CSMD3: variants seen among roughly 807,000 people sequenced by gnomAD.
CSMD3 encodes the protein CUB and Sushi multiple domains 3.
CSMD3 carries 177 observed loss-of-function variants against 435.2 expected under a neutral mutation model. That is an observed-to-expected ratio of 0.41 (90% CI 0.36 to 0.46). CSMD3 has a LOEUF of 0.46. CSMD3 is among the 20% of genes least tolerant of loss of function. CSMD3 has a pLI of 0.34. For missense variants in CSMD3, 4,265 were observed against 4,504.6 expected, an observed-to-expected ratio of 0.95 and a Z score of 1.52; for synonymous variants, 1,656 against 1,520.5, an observed-to-expected ratio of 1.09 and a Z score of -2.07.
intron 32 of CSMD3, among the ~76,000 whole-genome samples, chr8:112,442,651 C>T (rs1815157479): frequency 6.6e-6 from 1 of 152,172 alleles, no homozygotes; most frequent in Non-Finnish European, 1.5e-5. Flanking sequence ...AAATGATCAT[C>T]CAGCTCGAGA....
chr8:113,000,008 T>A (rs1174067899), intron 6 of CSMD3, among the ~76,000 whole-genome samples: 1 of 151,988 alleles, frequency 6.6e-6, no homozygotes, highest in Admixed American at 6.6e-5. Context: ...GGAGATATGA[T>A]GTTGGGAGTC....
In CSMD3 at chr8:113,086,400, T is replaced by A. The variant is rs1564297387; in HGVS notation, c.917+12356A>T. Among the ~76,000 whole-genome samples, 3 of 152,316 alleles carry A rather than the reference T, an allele frequency of 2.0e-5. No individual in the cohort carries two copies. In the South Asian group the frequency reaches 6.2e-4, roughly 32 times the overall value. On this transcript the variant is annotated intron_variant, in intron 5 of 70. Coordinates refer to ENST00000297405, the MANE Select transcript of CSMD3 (RefSeq NM_198123.2). Reference sequence around the variant, plus strand: ...TGTAATTTATCATTCCAATAGGTTATAAATTGAACCTGTAGAAGTAGGAAG... The same window carrying A: ...TGTAATTTATCATTCCAATAGGTTAAAAATTGAACCTGTAGAAGTAGGAAG...
At chr8:113,095,396 A>G (rs979890202) in intron 5 of CSMD3, among the ~76,000 whole-genome samples, 2 of 152,148 alleles carry the variant, frequency 1.3e-5, no homozygotes, top group African/African-American at 4.8e-5. Context: ...ATTGCCTATA[A>G]TATCTCTTCT....
At chr8:112,742,634 G>A (rs930916253) in intron 13 of CSMD3, among the ~76,000 whole-genome samples, 1 of 151,806 alleles carries the variant, frequency 6.6e-6, no homozygotes, top group African/African-American at 2.4e-5. Flanking sequence ...ACAGTTGTGT[G>A]ATTTTGCTCT....
At chr8:113,171,561 C>A (rs79022243) in intron 4 of CSMD3, among the ~76,000 whole-genome samples, 10,035 of 151,746 alleles carry the variant, frequency 0.066, 453 homozygotes, top group Non-Finnish European at 0.095. Flanking sequence ...TTAAAGACTG[C>A]ATTTCTGCTG....
At chr8:113,128,202 T>G (rs190944362) in intron 4 of CSMD3, among the ~76,000 whole-genome samples, 1 of 152,212 alleles carries the variant, frequency 6.6e-6, no homozygotes, top group East Asian at 1.9e-4. Flanking sequence ...GATTGAGTAC[T>G]TTGGTAAATT....
chr8:112,573,797 T>C (rs959066856), intron 23 of CSMD3, 140 bp from the exon 24 acceptor site: 1 of 663,482 alleles, frequency 1.5e-6, no homozygotes, highest in South Asian at 1.9e-5. Context: ...CTAAATATAT[T>C]GGTTTCTATG....
intron 30 of CSMD3, among the ~76,000 whole-genome samples, chr8:112,500,915 T>C (rs1270443452): frequency 6.7e-6 from 1 of 150,312 alleles, no homozygotes; most frequent in Non-Finnish European, 1.5e-5. Context: ...AAGATTAGGG[T>C]GGGGTGACCA....
chr8:113,410,900 T>TGAAAGAAGGAAAGAAA (rs1306552752), intron 1 of CSMD3, among the ~76,000 whole-genome samples: 1 of 105,396 alleles, frequency 9.5e-6, no homozygotes, highest in African/African-American at 4.1e-5. Flanking sequence ...CAAAACCCTG[T>TGAAAGAAGGAAAGAAA]GAAAGAAAGA....
intron 2 of CSMD3, chr8:113,311,474 T>A (rs1180215743): frequency 6.6e-6 from 1 of 151,998 alleles, no homozygotes; most frequent in Non-Finnish European, 1.5e-5. Context: ...TTTTAAAAAA[T>A]CTATTGGAGC....
intron 45 of CSMD3, among the ~76,000 whole-genome samples, chr8:112,322,587 T>C (rs564951604): frequency 6.6e-6 from 1 of 152,220 alleles, no homozygotes; most frequent in South Asian, 2.1e-4. Context: ...ATAAACATTC[T>C]ACATTCTTAC....
chr8:112,972,414 G>T (rs1218478877), intron 7 of CSMD3, among the ~76,000 whole-genome samples: 1 of 151,624 alleles, frequency 6.6e-6, no homozygotes, highest in Non-Finnish European at 1.5e-5. Context: ...TGACTTTATA[G>T]TTTGCTAATG....
intron 6 of CSMD3, among the ~76,000 whole-genome samples, chr8:113,017,496 T>C (rs1007218505): frequency 6.6e-6 from 1 of 152,022 alleles, no homozygotes; most frequent in Non-Finnish European, 1.5e-5. Flanking sequence ...CTACTTTATT[T>C]CTGTTTAGAA....
chr8:112,238,159 T>C (rs1196356105), intron 66 of CSMD3, among the ~76,000 whole-genome samples: 1 of 152,050 alleles, frequency 6.6e-6, no homozygotes, highest in Admixed American at 6.6e-5. Flanking sequence ...AGCTGAGGTA[T>C]AGGATTAATC....
intron 5 of CSMD3, among the ~76,000 whole-genome samples, chr8:113,040,227 A>G (rs2087548509): frequency 6.6e-6 from 1 of 152,196 alleles, no homozygotes; most frequent in Non-Finnish European, 1.5e-5. Context: ...CTGTAACTCG[A>G]GTGGAGTGTC....
intron 22 of CSMD3, among the ~76,000 whole-genome samples, chr8:112,621,771 C>T (rs1834089560): frequency 6.6e-6 from 1 of 152,174 alleles, no homozygotes; most frequent in Admixed American, 6.6e-5. Flanking sequence ...CAGGGCTTGG[C>T]TTCTTCTCAG....
At chr8:112,310,416 C>A (rs1586732487) in intron 50 of CSMD3, 1 of 154,008 alleles carries the variant, frequency 6.5e-6, no homozygotes, top group African/African-American at 2.4e-5. Context: ...ATTCTTTTTG[C>A]AGCATGATAT....
intron 5 of CSMD3, among the ~76,000 whole-genome samples, chr8:113,069,869 A>T (rs2131398511): frequency 6.6e-6 from 1 of 152,190 alleles, no homozygotes; most frequent in African/African-American, 2.4e-5. Context: ...ATGTTCTGTA[A>T]CTGCACAGAC....
Position 112,314,479 on chromosome 8 carries a change from A to G in CSMD3, c.7499T>C (p.Val2500Ala). ...TTCCTTTTCTGTCTGGAAGAATTCT[A>G]CAAACATGGTGATATTATAACCCTT... ...VEKGYNITMFVEFFQTEKEFD... is the reference protein window; with the variant it reads ...VEKGYNITMFAEFFQTEKEFD... Residue 2500 changes from valine (V) to alanine (A), a missense_variant, in exon 48 of 71, where the codon GTA becomes GCA. Coordinates refer to ENST00000297405, the MANE Select transcript of CSMD3 (RefSeq NM_198123.2). 1.2e-6 allele frequency: 2 copies of G among 1,612,708 alleles called. No homozygotes were observed. The highest frequency in any genetic ancestry group is 8.5e-7 in the Non-Finnish European group (1 of 1,178,826).
Sources: gnomAD v4.1 joint callset for allele counts (sites outside exome capture counted in the v4.1 genomes callset) on GRCh38, gnomAD v4.1.1 for gene constraint, MANE v1.5 for transcripts, NCBI Gene and HGNC (gene_info 2026-07-23, HGNC 2026-07-21) for gene names.